The following SGMS1 variants were observed in gnomAD, a reference collection of about 807,000 sequenced individuals.
SGMS1 encodes phosphatidylcholine:ceramide cholinephosphotransferase 1.
Under a neutral mutation model 46.2 loss-of-function variants are expected in SGMS1, and 13 were observed. That is an observed-to-expected ratio of 0.28 (90% CI 0.18 to 0.45). The LOEUF is 0.45. Among genes scored for constraint, SGMS1 ranks in the 20% least tolerant of loss-of-function variants. The pLI is 1.00. For missense variants in SGMS1, 324 were observed against 519.9 expected, an observed-to-expected ratio of 0.62 and a Z score of 3.66; for synonymous variants, 203 against 187.8, an observed-to-expected ratio of 1.08 and a Z score of -0.66.
chr10:50,547,916 A>T (rs1278504630), intron 2 of SGMS1, among the ~76,000 whole-genome samples: 1 of 152,250 alleles, frequency 6.6e-6, no homozygotes, highest in Non-Finnish European at 1.5e-5. Flanking sequence ...GCAATTCATC[A>T]CATAAACAGA....
At chr10:50,524,480 A>G (rs1339629452) in intron 2 of SGMS1, among the ~76,000 whole-genome samples, 1 of 151,896 alleles carries the variant, frequency 6.6e-6, no homozygotes, top group Non-Finnish European at 1.5e-5. Flanking sequence ...GACTGTGAAA[A>G]TTTTTTCATG....
At chr10:50,365,494 C>A (rs1848324661) in intron 6 of SGMS1, among the ~76,000 whole-genome samples, 1 of 151,874 alleles carries the variant, frequency 6.6e-6, no homozygotes, top group Non-Finnish European at 1.5e-5. Context: ...TATACATGTG[C>A]CATGGTGGTC....
At chr10:50,532,768 C>T (rs1395898671) in intron 2 of SGMS1, among the ~76,000 whole-genome samples, 1 of 152,188 alleles carries the variant, frequency 6.6e-6, no homozygotes, top group Non-Finnish European at 1.5e-5. Context: ...GGTCTTTAGC[C>T]GTAGGCTAAA....
upstream of SGMS1, chr10:50,624,050 G>A (rs532175546): frequency 2.6e-3 from 2,517 of 985,352 alleles, 45 homozygotes; most frequent in African/African-American, 0.041. Flanking sequence ...GGGGGGGCGG[G>A]CCGGCCGGGC....
At chr10:50,476,594 T>G (rs1588846337) in intron 3 of SGMS1, among the ~76,000 whole-genome samples, 1 of 152,142 alleles carries the variant, frequency 6.6e-6, no homozygotes, top group East Asian at 1.9e-4. Flanking sequence ...CCAATGCACT[T>G]CAGAGACCTT....
intron 1 of SGMS1, among the ~76,000 whole-genome samples, chr10:50,614,627 T>C (rs1838780297): frequency 6.6e-6 from 1 of 152,192 alleles, no homozygotes; most frequent in Admixed American, 6.5e-5. Flanking sequence ...GCCCTGGGCG[T>C]TGTAAGCAGC....
At chr10:50,378,923 C>T (rs1241329398) in intron 6 of SGMS1, among the ~76,000 whole-genome samples, 1 of 152,032 alleles carries the variant, frequency 6.6e-6, no homozygotes, top group African/African-American at 2.4e-5. Flanking sequence ...AAACCCATAT[C>T]GTATTGAACA....
intron 7 of SGMS1, among the ~76,000 whole-genome samples, chr10:50,331,749 C>T (rs1847626575): frequency 6.6e-6 from 1 of 152,184 alleles, no homozygotes; most frequent in South Asian, 2.1e-4. Context: ...AACCTAATCA[C>T]CAGTGATTAG....
At chr10:50,391,117 C>T (rs1372582923) in intron 6 of SGMS1, among the ~76,000 whole-genome samples, 1 of 152,178 alleles carries the variant, frequency 6.6e-6, no homozygotes, top group East Asian at 1.9e-4. Flanking sequence ...AAAGACAAAA[C>T]TTTGAAGAAA....
chr10:50,366,137 C>A (rs868660102), intron 6 of SGMS1, among the ~76,000 whole-genome samples: 5 of 152,086 alleles, frequency 3.3e-5, no homozygotes, highest in African/African-American at 9.7e-5. Flanking sequence ...TCAGAGTGAA[C>A]AGGCAACCTA....
intron 7 of SGMS1, among the ~76,000 whole-genome samples, chr10:50,339,529 A>G (rs1401085327): frequency 2.0e-5 from 3 of 152,202 alleles, no homozygotes; most frequent in African/African-American, 7.2e-5. Context: ...ACACTAGCCA[A>G]TATCATATAT....
intron 5 of SGMS1, among the ~76,000 whole-genome samples, chr10:50,442,736 A>G (rs1285604279): frequency 1.3e-5 from 2 of 152,124 alleles, no homozygotes; most frequent in African/African-American, 2.4e-5. Flanking sequence ...TTTAATTTGT[A>G]TAAGTTCCTT....
chr10:50,344,077 G>A lies in SGMS1; in HGVS notation c.38C>T (p.Ala13Val). The part of the protein sequence containing the change: ...EVVYWSPKKV[A>V]DWLLENAMPE... The stretch of plus-strand genomic sequence containing the variant: ...CATAGCATTCTCCAGCAGCCAGTCT[G>A]CCACCTTCTTGGGTGACCAATAAAC... Residue 13 changes from alanine to valine, a missense_variant, in exon 7 of 11, where the codon GCA becomes GTA. Coordinates refer to ENST00000361781, the MANE Select transcript of SGMS1 (RefSeq NM_147156.4). 2 of 1,613,788 alleles carry A rather than the reference G, an allele frequency of 1.2e-6. No homozygotes were observed. Among genetic ancestry groups the A allele is most frequent in the Non-Finnish European group, 1.7e-6 (2 of 1,179,872 alleles).
At chr10:50,515,937 C>T (rs898900420) in intron 3 of SGMS1, among the ~76,000 whole-genome samples, 2 of 152,160 alleles carry the variant, frequency 1.3e-5, no homozygotes, top group Admixed American at 1.3e-4. Context: ...TCGCAGAGCT[C>T]GGCATTTCCT....
intron 2 of SGMS1, among the ~76,000 whole-genome samples, chr10:50,579,178 T>C (rs1380172726): frequency 5.9e-5 from 9 of 151,854 alleles, no homozygotes; most frequent in Non-Finnish European, 1.0e-4. Flanking sequence ...AAAAACATTA[T>C]AACAAACATG....
chr10:50,624,060 C>A (rs1364818053), upstream of SGMS1: 40 of 985,188 alleles, frequency 4.1e-5, no homozygotes, highest in Non-Finnish European at 4.6e-5. Context: ...GCCGGCCGGG[C>A]GGGGTCCGCG....
chr10:50,615,077 C>T (rs1431995926), intron 1 of SGMS1, among the ~76,000 whole-genome samples: 1 of 152,164 alleles, frequency 6.6e-6, no homozygotes, highest in Admixed American at 6.5e-5. Context: ...ACTTTTTCTC[C>T]CCACTCAATT....
chr10:50,327,763 G>A (rs557990602), intron 7 of SGMS1, among the ~76,000 whole-genome samples: 12 of 152,214 alleles, frequency 7.9e-5, no homozygotes, highest in Non-Finnish European at 1.6e-4. Context: ...GCCATTTAAT[G>A]AGTCAAAGAC....
At chr10:50,509,441 C>T (rs1276560806) in intron 3 of SGMS1, among the ~76,000 whole-genome samples, 1 of 152,086 alleles carries the variant, frequency 6.6e-6, no homozygotes, top group Non-Finnish European at 1.5e-5. Flanking sequence ...ATAAGCCATT[C>T]TAGGAAAATA....
Sources: allele counts gnomAD v4.1 joint callset (sites outside exome capture counted in the v4.1 genomes callset), GRCh38; gene constraint gnomAD v4.1.1; transcripts MANE v1.5; gene names NCBI Gene and HGNC (gene_info 2026-07-23, HGNC 2026-07-21).